The following FREM2 variants were observed in gnomAD, a reference collection of about 807,000 sequenced individuals.
The protein encoded by FREM2 is FRAS1 related extracellular matrix 2, also known as FRAS1-related extracellular matrix protein 2.
Under a neutral mutation model 219.9 loss-of-function variants are expected in FREM2, and 119 were observed. That is an observed-to-expected ratio of 0.54 (90% CI 0.47 to 0.63). The LOEUF is 0.63. Among genes scored for constraint, FREM2 ranks in the 30% least tolerant of loss-of-function variants. The probability of loss-of-function intolerance (pLI) is 0.00; values close to 1 mark genes in which losing one functional copy is unlikely to be tolerated. For missense variants in FREM2, 4,030 were observed against 3,993.6 expected, an observed-to-expected ratio of 1.01 and a Z score of -0.25; for synonymous variants, 1,562 against 1,522.8, an observed-to-expected ratio of 1.03 and a Z score of -0.60.
At chr13:38,739,537 C>G (rs907411156) in intron 2 of FREM2, among the ~76,000 whole-genome samples, 1 of 152,326 alleles carries the variant, frequency 6.6e-6, no homozygotes, top group East Asian at 1.9e-4. Context: ...CTTCCTTTGT[C>G]CATACTGTTC....
chr13:38,850,998 A>T lies in FREM2; in HGVS notation c.6632A>T (p.Glu2211Val). Reference sequence around the variant, plus strand: ...CTGATGGACGATGTGCTCTATGAGGAGGTAGAGGAGCTCCGCCTGGTACTC... The same window carrying T: ...CTGATGGACGATGTGCTCTATGAGGTGGTAGAGGAGCTCCGCCTGGTACTC... ...LELMDDVLYE[E>V]VEELRLVLGT... is the part of the protein sequence containing the mutation. Residue 2211 changes from glutamate to valine, a missense_variant, in exon 10 of 24, where the codon GAG (glutamate) becomes GTG (valine). Transcript: ENST00000280481. 1.2e-6 allele frequency: 2 copies of T among 1,613,740 alleles called. No individual in the cohort carries two copies.
At chr13:38,854,894 A>G (rs2137915449) in intron 11 of FREM2, among the ~76,000 whole-genome samples, 1 of 152,334 alleles carries the variant, frequency 6.6e-6, no homozygotes, top group Middle Eastern at 3.4e-3. Context: ...TTAGAATTAT[A>G]ATAATTGAAC....
At chr13:38,727,299 A>C (rs77218707) in intron 2 of FREM2, among the ~76,000 whole-genome samples, 14,836 of 152,278 alleles carry the variant, frequency 0.097, 763 homozygotes, top group South Asian at 0.19. Flanking sequence ...ACAGATCTAC[A>C]TGGTGAAACC....
intron 20 of FREM2, 99 bp downstream of exon 20, chr13:38,876,481 A>G (rs1213233224): frequency 1.0e-6 from 1 of 989,420 alleles, no homozygotes; most frequent in Non-Finnish European, 1.6e-6. Flanking sequence ...AATGACTTTA[A>G]TTCTTGCATG....
intron 2 of FREM2, among the ~76,000 whole-genome samples, chr13:38,753,642 G>A (rs748271827): frequency 4.6e-5 from 7 of 152,210 alleles, no homozygotes; most frequent in Non-Finnish European, 7.3e-5. Flanking sequence ...AAATTAGCTT[G>A]TAATTTAGAC....
Position 38,814,688 on chromosome 13 carries a change from T to C in FREM2, c.6019+29880T>C, listed in dbSNP as rs1305485168. Among the ~76,000 whole-genome samples, 3 of 152,142 alleles carry C rather than the reference T, an allele frequency of 2.0e-5. No individual in the cohort carries two copies. The East Asian group carries it at 5.8e-4, about 29-fold the overall frequency. ...CCCAGGCCCCAAATGTGTCCAGGGA[T>C]GCTGTCTGGGAGCCAGGGATTAGAA... is the stretch of plus-strand genomic sequence containing the variant. On this transcript the variant is annotated intron_variant, in intron 6 of 23. Coordinates refer to ENST00000280481, the MANE Select transcript of FREM2 (RefSeq NM_207361.6).
intron 8 of FREM2, 112 bp from the exon 9 acceptor site, chr13:38,849,926 G>C (rs1877304465): frequency 2.3e-6 from 2 of 859,512 alleles, no homozygotes; most frequent in African/African-American, 1.7e-5. Context: ...AATGGAGACA[G>C]AATCCAGTTC....
intron 4 of FREM2, among the ~76,000 whole-genome samples, chr13:38,781,990 C>T (rs1435865149): frequency 6.6e-6 from 1 of 152,154 alleles, no homozygotes; most frequent in South Asian, 2.1e-4. Context: ...CTTTTGCCCT[C>T]CAAGTTCCTT....
intron 2 of FREM2, among the ~76,000 whole-genome samples, chr13:38,704,660 A>G (rs1215484074): frequency 6.6e-6 from 1 of 152,138 alleles, no homozygotes; most frequent in Admixed American, 6.5e-5. Context: ...AGTGATTTAG[A>G]TTTTGTGCTA....
At chr13:38,844,749 T>C (rs571108326) in intron 6 of FREM2, among the ~76,000 whole-genome samples, 50 of 152,332 alleles carry the variant, frequency 3.3e-4, no homozygotes, top group African/African-American at 1.2e-3. Flanking sequence ...TTGCCAGGAA[T>C]GTGAAGAGAC....
At chr13:38,703,290 T>G (rs1173226162) in intron 2 of FREM2, among the ~76,000 whole-genome samples, 1 of 152,108 alleles carries the variant, frequency 6.6e-6, no homozygotes, top group Admixed American at 6.6e-5. Context: ...TACAGACATA[T>G]TCAGCTCAGA....
At chr13:38,872,676 T>C (rs1878200310) in intron 16 of FREM2, 66 bp from the exon 17 acceptor site, 1 of 1,342,116 alleles carries the variant, frequency 7.5e-7, no homozygotes, top group African/African-American at 1.4e-5. Context: ...GAAAATGGCT[T>C]GTACAAAATT....
intron 6 of FREM2, among the ~76,000 whole-genome samples, chr13:38,828,661 T>C (rs1876387728): frequency 1.3e-5 from 2 of 152,028 alleles, no homozygotes; most frequent in Non-Finnish European, 2.9e-5. Flanking sequence ...TAGTGAGCTA[T>C]GATCTTGCCA....
chr13:38,784,759 A>C lies in FREM2; in HGVS notation c.5970A>C (p.Gly1990=), dbSNP rs1341028299. The C allele has an allele frequency of 6.2e-7, 1 of 1,614,080 alleles. No homozygotes were observed. Among genetic ancestry groups the C allele is most frequent in the East Asian group, 2.2e-5 (1 of 44,880 alleles). ...GCATGCCCATGGGGGGAAGAATCGGATCAGAGTTCCCAGGGGCTCAAGTTA... is the reference window on the plus strand; with the variant it reads ...GCATGCCCATGGGGGGAAGAATCGGCTCAGAGTTCCCAGGGGCTCAAGTTA... ...LLSMPMGGRI[G]SEFPGAQVTI... The change falls in exon 6 of 24, where the codon GGA becomes GGC. Residue 1990 remains glycine, a synonymous_variant. Transcript: ENST00000280481.
chr13:38,700,026 A>T (rs1214730090), intron 2 of FREM2, among the ~76,000 whole-genome samples: 1 of 152,120 alleles, frequency 6.6e-6, no homozygotes, highest in Non-Finnish European at 1.5e-5. Flanking sequence ...CTGTATGTCC[A>T]GCTTGCTTTC....
intron 6 of FREM2, among the ~76,000 whole-genome samples, chr13:38,844,814 A>G (rs1366041678): frequency 6.6e-6 from 1 of 152,216 alleles, no homozygotes; most frequent in Non-Finnish European, 1.5e-5. Context: ...TAGTTACGGA[A>G]GCCTTTTAAA....
At position 38,690,269 on chromosome 13, in the gene FREM2, A is replaced by G; in HGVS notation, c.2925A>G (p.Glu975=). The change falls in exon 1 of 24, where the codon GAA becomes GAG. Residue 975 remains glutamate, a synonymous_variant. Coordinates refer to ENST00000280481, the MANE Select transcript of FREM2 (RefSeq NM_207361.6). ...ATGTTATTAAGGGGACCAATGAGGA[A>G]ACTGATGACTTGATGTTGACTTTCC... ...TANVIKGTNE[E]TDDLMLTFLL... is the part of the protein sequence containing the mutation. 2 of 1,614,194 alleles carry G rather than the reference A, an allele frequency of 1.2e-6. No individual in the cohort carries two copies. Among genetic ancestry groups the G allele is most frequent in the Non-Finnish European group, 1.7e-6 (2 of 1,180,014 alleles).
intron 15 of FREM2, among the ~76,000 whole-genome samples, chr13:38,863,833 T>G (rs922520489): frequency 5.3e-5 from 8 of 152,138 alleles, no homozygotes; most frequent in Non-Finnish European, 1.2e-4. Flanking sequence ...TTTTTGTTTT[T>G]TGTAGGGGTT....
At chr13:38,746,312 C>T (rs1386568721) in intron 2 of FREM2, among the ~76,000 whole-genome samples, 1 of 152,102 alleles carries the variant, frequency 6.6e-6, no homozygotes, top group African/African-American at 2.4e-5. Flanking sequence ...ATTCATATGT[C>T]TTATGGCCTT....
Sources: gnomAD v4.1 joint callset for allele counts (sites outside exome capture counted in the v4.1 genomes callset) on GRCh38, gnomAD v4.1.1 for gene constraint, MANE v1.5 for transcripts, NCBI Gene and HGNC (gene_info 2026-07-23, HGNC 2026-07-21) for gene names.